The following NAV3 variants were observed in gnomAD, a reference collection of about 807,000 sequenced individuals.
The protein encoded by NAV3 is pore membrane and/or filament interacting like protein 1.
In NAV3, 87 loss-of-function variants were observed where a neutral mutation model predicts 244.7. The observed-to-expected ratio is 0.36, with a 90% CI of 0.30 to 0.42. The LOEUF (loss-of-function observed/expected upper bound fraction) is 0.42. NAV3 is among the 20% of genes least tolerant of loss of function. The pLI, the probability that NAV3 is intolerant of heterozygous loss-of-function variation, is 1.00. For missense variants in NAV3, 2,663 were observed against 2,893.3 expected (o/e 0.92, Z 1.83); for synonymous variants, 1,126 against 1,042.2 (o/e 1.08, Z -1.55).
chr12:77,950,167 G>A (rs1221582050), intron 3 of NAV3, among the ~76,000 whole-genome samples: 2 of 152,028 alleles, frequency 1.3e-5, no homozygotes, highest in Non-Finnish European at 2.9e-5. Flanking sequence ...CAACTCCTTT[G>A]GGTAAATACT....
intron 1 of NAV3, among the ~76,000 whole-genome samples, chr12:77,855,697 C>T (rs534658864): frequency 1.1e-4 from 16 of 152,154 alleles, no homozygotes; most frequent in African/African-American, 3.6e-4. Flanking sequence ...CGTGGGCACT[C>T]TATATAAATA....
At chr12:77,981,054 C>A (rs902837049) in intron 5 of NAV3, among the ~76,000 whole-genome samples, 2 of 152,054 alleles carry the variant, frequency 1.3e-5, no homozygotes, top group African/African-American at 4.8e-5. Flanking sequence ...AGTAACCTGT[C>A]CCAAATGCAA....
intron 1 of NAV3, among the ~76,000 whole-genome samples, chr12:77,910,171 T>C (rs933260545): frequency 6.6e-6 from 1 of 151,864 alleles, no homozygotes; most frequent in Non-Finnish European, 1.5e-5. Context: ...AGAAAAGAGG[T>C]TTATTTTGGC....
chr12:77,602,202 G>C (rs961106220), intron 2 of NAV3, among the ~76,000 whole-genome samples: 1 of 151,888 alleles, frequency 6.6e-6, no homozygotes, highest in Non-Finnish European at 1.5e-5. Context: ...GACAGTCTGG[G>C]AATTATAGTC....
chr12:78,103,434 C>T (rs1954639486), intron 12 of NAV3, among the ~76,000 whole-genome samples: 2 of 152,136 alleles, frequency 1.3e-5, no homozygotes, highest in Admixed American at 1.3e-4. Context: ...CAAACTTTCC[C>T]ACATTTTCCT....
chr12:77,708,800 G>C (rs1875960497), intron 2 of NAV3, among the ~76,000 whole-genome samples: 1 of 152,114 alleles, frequency 6.6e-6, no homozygotes, highest in Non-Finnish European at 1.5e-5. Flanking sequence ...GGATTCTTAG[G>C]TATTTTATTC....
intron 12 of NAV3, among the ~76,000 whole-genome samples, chr12:78,108,793 G>T (rs1454053749): frequency 6.6e-6 from 1 of 151,904 alleles, no homozygotes. Flanking sequence ...AAAACCAGTG[G>T]CATACAGCAA....
At chr12:78,025,700 G>A (rs1482945009) in intron 9 of NAV3, among the ~76,000 whole-genome samples, 2 of 151,770 alleles carry the variant, frequency 1.3e-5, no homozygotes, top group Non-Finnish European at 2.9e-5. Flanking sequence ...CTCATGAATG[G>A]CTTGGTGCCA....
chr12:78,063,107 C>A (rs1395930571), intron 12 of NAV3, among the ~76,000 whole-genome samples: 2 of 152,100 alleles, frequency 1.3e-5, no homozygotes, highest in African/African-American at 4.8e-5. Flanking sequence ...ATTCCTCTTA[C>A]CAGCACATTA....
intron 12 of NAV3, among the ~76,000 whole-genome samples, chr12:78,087,787 T>C (rs1953712374): frequency 6.6e-6 from 1 of 151,998 alleles, no homozygotes; most frequent in Non-Finnish European, 1.5e-5. Flanking sequence ...ATGTATACTT[T>C]AGATTTAATT....
chr12:77,683,259 A>G (rs1267671301), intron 2 of NAV3, among the ~76,000 whole-genome samples: 3 of 152,130 alleles, frequency 2.0e-5, no homozygotes, highest in Non-Finnish European at 1.5e-5. Flanking sequence ...AGCACCATTT[A>G]TTAAAGATAC....
intron 2 of NAV3, among the ~76,000 whole-genome samples, chr12:77,667,332 C>G (rs767739565): frequency 6.6e-6 from 1 of 152,172 alleles, no homozygotes; most frequent in Non-Finnish European, 1.5e-5. Flanking sequence ...AGCTTGCTTT[C>G]TCAGGTGGTG....
rs1297691808 is a variant in NAV3 at position 77,755,599 on chromosome 12, C to T, written c.72+183333C>T. On this transcript the variant is annotated intron_variant, in intron 2 of 8. Coordinates refer to the NAV3 transcript ENST00000550042. Reference sequence around the variant, plus strand: ...TTTCCTTTCCTCCCTCCCTCCCTCCCTCCCTCCCTCCCTCCTTCCTTCCTT... The same window carrying T: ...TTTCCTTTCCTCCCTCCCTCCCTCCTTCCCTCCCTCCCTCCTTCCTTCCTT... Among the ~76,000 whole-genome samples the T allele has an allele frequency of 3.7e-4, 17 of 46,306 alleles. No homozygotes were observed. The South Asian group carries it at 7.5e-3, about 20-fold the overall frequency. The allele number at this position is 46,306 out of a possible 152,430, so 30.4% of individuals were successfully genotyped here. A position where few individuals can be genotyped will look rare whatever the true frequency, so the allele number is the denominator to read the frequency against.
At chr12:78,144,930 AAAAAAAAAAAAAAAAAAG>A (rs1956796854) in intron 20 of NAV3, 26 of 152,070 alleles carry the variant, frequency 1.7e-4, no homozygotes, top group South Asian at 5.0e-4. Flanking sequence ...AAAAAAAAAA[AAAAAAAAAAAAAAAAAAG>A]AAAGAAAGAA....
chr12:77,852,677 A>G (rs963989121), intron 1 of NAV3, among the ~76,000 whole-genome samples: 15 of 152,252 alleles, frequency 9.9e-5, no homozygotes, highest in African/African-American at 3.1e-4. Flanking sequence ...TAATAGACAC[A>G]TACCAATAAA....
At chr12:78,053,393 T>G (rs1302399122) in intron 11 of NAV3, among the ~76,000 whole-genome samples, 1 of 152,096 alleles carries the variant, frequency 6.6e-6, no homozygotes, top group Non-Finnish European at 1.5e-5. Context: ...ATATAGGTTT[T>G]GGTTCCTGTG....
At chr12:77,839,138 C>T (rs1875174391) in intron 1 of NAV3, among the ~76,000 whole-genome samples, 1 of 152,188 alleles carries the variant, frequency 6.6e-6, no homozygotes, top group African/African-American at 2.4e-5. Flanking sequence ...CTATCTCTAT[C>T]CACCATGTAC....
chr12:77,944,992 G>C (rs1181640727), intron 3 of NAV3, among the ~76,000 whole-genome samples: 1 of 152,108 alleles, frequency 6.6e-6, no homozygotes, highest in Non-Finnish European at 1.5e-5. Flanking sequence ...TAATTGGATA[G>C]GCATTGATTA....
rs189509024 is a variant in NAV3 at position 77,982,328 on chromosome 12, G to A, written c.672-12475G>A. On this transcript the variant is annotated intron_variant, in intron 5 of 39. Coordinates refer to ENST00000397909, the MANE Select transcript of NAV3 (RefSeq NM_001024383.2). ...ATGTGACCTTTCCACAAATAAATTG[G>A]CCCTCACCATGAGCCAAGAGATACA... Among the ~76,000 whole-genome samples, 103 of 62,950 alleles carry A rather than the reference G, an allele frequency of 1.6e-3. 16 individuals are homozygous for A. Among genetic ancestry groups the A allele is most frequent in the Middle Eastern group, 0.015 (2 of 134 alleles). 41.3% of individuals were successfully genotyped at this position (62,950 alleles called of 152,430 possible).
Sources: gnomAD v4.1 joint callset for allele counts (sites outside exome capture counted in the v4.1 genomes callset) on GRCh38, gnomAD v4.1.1 for gene constraint, MANE v1.5 for transcripts, NCBI Gene and HGNC (gene_info 2026-07-23, HGNC 2026-07-21) for gene names.